The following KIAA1217 variants were observed in gnomAD, a reference collection of about 807,000 sequenced individuals.
KIAA1217 encodes KIAA1217.
A neutral mutation model predicts 163.9 loss-of-function variants in KIAA1217; 88 were observed. That is an observed-to-expected ratio of 0.54 (90% CI 0.45 to 0.64). The LOEUF (loss-of-function observed/expected upper bound fraction) is 0.64, where lower values mean the gene tolerates loss of function less well. Ranked by LOEUF, KIAA1217 falls within the 30% of genes least tolerant of loss-of-function variation. KIAA1217 has a pLI of 0.00. For synonymous variants in KIAA1217, 903 were observed against 923.1 expected (o/e 0.98, Z 0.39); for missense variants, 2,372 against 2,475.0 (o/e 0.96, Z 0.88).
intron 2 of KIAA1217, among the ~76,000 whole-genome samples, chr10:24,364,312 C>G (rs170202): frequency 0.29 from 44,083 of 152,036 alleles, 6,636 homozygotes; most frequent in South Asian, 0.37. Flanking sequence ...AATTTTCTAT[C>G]GTATAGTCAA....
At chr10:23,910,799 G>A (rs892782886) in intron 1 of KIAA1217, among the ~76,000 whole-genome samples, 1 of 152,122 alleles carries the variant, frequency 6.6e-6, no homozygotes, top group African/African-American at 2.4e-5. Flanking sequence ...AAACAAGCTG[G>A]CCAAGAGGGA....
At chr10:23,757,913 G>A (rs974711316) in intron 1 of KIAA1217, among the ~76,000 whole-genome samples, 6 of 152,124 alleles carry the variant, frequency 3.9e-5, no homozygotes, top group Non-Finnish European at 8.8e-5. Flanking sequence ...TTGACTTTTT[G>A]TTATTGCGTT....
chr10:23,897,733 T>G (rs543906917), intron 1 of KIAA1217, among the ~76,000 whole-genome samples: 1 of 152,142 alleles, frequency 6.6e-6, no homozygotes, highest in South Asian at 2.1e-4. Flanking sequence ...AACCATTTAT[T>G]TTTCCTGTTT....
chr10:24,098,199 T>TA (rs766257218), intron 2 of KIAA1217, among the ~76,000 whole-genome samples: 4 of 152,012 alleles, frequency 2.6e-5, no homozygotes, highest in Non-Finnish European at 5.9e-5. Context: ...GCAAGGGCCC[T>TA]AGGAGGTGTG....
intron 1 of KIAA1217, among the ~76,000 whole-genome samples, chr10:23,817,626 A>G (rs954842215): frequency 6.6e-6 from 1 of 152,148 alleles, no homozygotes; most frequent in Non-Finnish European, 1.5e-5. Context: ...AGATCTCTTC[A>G]ATATCAACAG....
At chr10:24,375,837 A>G (rs1406289498) in intron 2 of KIAA1217, among the ~76,000 whole-genome samples, 1 of 152,252 alleles carries the variant, frequency 6.6e-6, no homozygotes, top group Non-Finnish European at 1.5e-5. Context: ...TTGGCTAGCC[A>G]GACACCCCAC....
intron 1 of KIAA1217, among the ~76,000 whole-genome samples, chr10:23,980,945 C>T (rs1845739955): frequency 6.6e-6 from 1 of 152,176 alleles, no homozygotes; most frequent in African/African-American, 2.4e-5. Context: ...TATTTTTACT[C>T]TGAAATCTAT....
chr10:24,040,241 T>C (rs1265888113), intron 2 of KIAA1217, among the ~76,000 whole-genome samples: 1 of 152,212 alleles, frequency 6.6e-6, no homozygotes, highest in Admixed American at 6.5e-5. Flanking sequence ...GAATCTAAAA[T>C]GTGAGCCTGG....
chr10:24,194,268 C>T (rs1183392528), intron 2 of KIAA1217, among the ~76,000 whole-genome samples: 1 of 146,038 alleles, frequency 6.8e-6, no homozygotes, highest in East Asian at 2.0e-4. Context: ...CCAATCTTGG[C>T]CTTCATTTCC....
At chr10:23,838,757 A>G (rs1838617750) in intron 1 of KIAA1217, among the ~76,000 whole-genome samples, 1 of 152,170 alleles carries the variant, frequency 6.6e-6, no homozygotes, top group Non-Finnish European at 1.5e-5. Context: ...CAGCACACCC[A>G]GCCGCTTAAG....
chr10:24,160,783 G>A (rs1449852465), intron 2 of KIAA1217, among the ~76,000 whole-genome samples: 1 of 152,112 alleles, frequency 6.6e-6, no homozygotes. Flanking sequence ...CAAATTTCTA[G>A]GACTTGTAAG....
intron 2 of KIAA1217, among the ~76,000 whole-genome samples, chr10:24,027,518 C>A (rs75851515): frequency 6.6e-6 from 1 of 151,972 alleles, no homozygotes; most frequent in African/African-American, 2.4e-5. Flanking sequence ...GAAAATGCAA[C>A]TTTAAAATGA....
At chr10:23,738,513 A>G (rs1838932218) in intron 1 of KIAA1217, among the ~76,000 whole-genome samples, 1 of 151,916 alleles carries the variant, frequency 6.6e-6, no homozygotes, top group Admixed American at 6.6e-5. Context: ...TGCTGATTTT[A>G]TTTGTTGTTA....
intron 2 of KIAA1217, among the ~76,000 whole-genome samples, chr10:24,044,386 G>C (rs1848838934): frequency 6.6e-6 from 1 of 152,138 alleles, no homozygotes; most frequent in Non-Finnish European, 1.5e-5. Flanking sequence ...TAGTTCTTTA[G>C]AATGTTTATT....
intron 2 of KIAA1217, among the ~76,000 whole-genome samples, chr10:24,087,102 A>G (rs1410683828): frequency 6.6e-6 from 1 of 152,230 alleles, no homozygotes; most frequent in Non-Finnish European, 1.5e-5. Flanking sequence ...TTTGTAGGAA[A>G]ATCTCTAACA....
At chr10:23,701,302 G>A (rs1450586926) in intron 1 of KIAA1217, among the ~76,000 whole-genome samples, 1 of 152,138 alleles carries the variant, frequency 6.6e-6, no homozygotes, top group Non-Finnish European at 1.5e-5. Context: ...GGAAATAAAT[G>A]CATTTATCTC....
At chr10:23,958,721 CTT>C (rs1202041049) in intron 1 of KIAA1217, among the ~76,000 whole-genome samples, 8 of 152,010 alleles carry the variant, frequency 5.3e-5, no homozygotes, top group Non-Finnish European at 1.0e-4. Context: ...AGATGAAAAA[CTT>C]AACCCGAGCG....
At chr10:24,407,257 CGTGT>C (rs10545826) in intron 3 of KIAA1217, among the ~76,000 whole-genome samples, 30,494 of 147,672 alleles carry the variant, frequency 0.21, 3,059 homozygotes, top group Non-Finnish European at 0.21. Flanking sequence ...GATGAAGATA[CGTGT>C]GTGTGTGTGT....
intron 1 of KIAA1217, among the ~76,000 whole-genome samples, chr10:23,784,859 G>C (rs1440652148): frequency 6.6e-6 from 1 of 151,852 alleles, no homozygotes; most frequent in Non-Finnish European, 1.5e-5. Flanking sequence ...TTAAAACCCA[G>C]TTTCTTAACT....
Sources: gnomAD v4.1 joint callset for allele counts (sites outside exome capture counted in the v4.1 genomes callset) on GRCh38, gnomAD v4.1.1 for gene constraint, MANE v1.5 for transcripts, NCBI Gene and HGNC (gene_info 2026-07-23, HGNC 2026-07-21) for gene names.